CBLN2: variants seen among roughly 807,000 people sequenced by gnomAD.
CBLN2 encodes the protein cerebellin-2.
In CBLN2, 7 loss-of-function variants were observed where a neutral mutation model predicts 15.0. That is an observed-to-expected ratio of 0.47 (90% CI 0.27 to 0.88). The LOEUF (loss-of-function observed/expected upper bound fraction) is 0.88, where lower values mean the gene tolerates loss of function less well. Among genes scored for constraint, CBLN2 ranks in the 40% least tolerant of loss-of-function variants. The pLI is 0.14. For synonymous variants in CBLN2, 149 were observed against 135.2 expected, an observed-to-expected ratio of 1.10 and a Z score of -0.71; for missense variants, 242 against 304.5, an observed-to-expected ratio of 0.79 and a Z score of 1.53.
intron 1 of CBLN2, chr18:72,618,438 G>A: frequency 1.6e-6 from 1 of 643,390 alleles, no homozygotes; most frequent in South Asian, 1.4e-5. Context: ...CAGGAGCTTT[G>A]GGTTTGTCAC....
At chr18:72,584,118 A>G (rs2069425031) in intron 1 of CBLN2, among the ~76,000 whole-genome samples, 1 of 152,148 alleles carries the variant, frequency 6.6e-6, no homozygotes, top group African/African-American at 2.4e-5. Flanking sequence ...AGAAGGGCAC[A>G]CGCATTGCCT....
intron 1 of CBLN2, among the ~76,000 whole-genome samples, chr18:72,564,856 T>G (rs1232214158): frequency 6.6e-6 from 1 of 152,156 alleles, no homozygotes; most frequent in Admixed American, 6.5e-5. Context: ...CACATTATAA[T>G]CAAGCTGTCA....
chr18:72,545,131 T>C (rs866303667), upstream of CBLN2, among the ~76,000 whole-genome samples: 10 of 152,102 alleles, frequency 6.6e-5, no homozygotes, highest in Admixed American at 5.9e-4. Context: ...TCTTTTCAGG[T>C]AGGGGGTTTT....
intron 1 of CBLN2, among the ~76,000 whole-genome samples, chr18:72,581,173 C>A (rs2069401097): frequency 6.6e-6 from 1 of 152,208 alleles, no homozygotes; most frequent in African/African-American, 2.4e-5. Context: ...AGCCCAATCT[C>A]TTTTCCCTTC....
At chr18:72,541,295 T>G (rs1357868602) in intron 3 of CBLN2, among the ~76,000 whole-genome samples, 1 of 152,182 alleles carries the variant, frequency 6.6e-6, no homozygotes, top group African/African-American at 2.4e-5. Context: ...CTTTTTTTTT[T>G]TTTAAGATAA....
chr18:72,605,352 C>T (rs1317686619), intron 1 of CBLN2, among the ~76,000 whole-genome samples: 1 of 152,072 alleles, frequency 6.6e-6, no homozygotes, highest in Admixed American at 6.5e-5. Context: ...AAACAAAATT[C>T]AGAAGTTAAT....
chr18:72,538,019 A>C lies in CBLN2; in HGVS notation c.*157T>G. 4.1e-6 allele frequency: 3 copies of C among 730,586 alleles called. No individual in the cohort carries two copies. The allele number at this position is 730,586 out of a possible 1,614,324, so 45.3% of individuals were successfully genotyped here. ...TGTCAGTATTCCAAAAAACAAAAAC[A>C]AAAGTACTGGAGGTTTCAAAGGAAA... On this transcript the variant is annotated 3_prime_UTR_variant, in exon 5 of 5. Coordinates refer to ENST00000269503, the MANE Select transcript of CBLN2 (RefSeq NM_182511.4).
chr18:72,600,509 T>C (rs1599017700), intron 1 of CBLN2, among the ~76,000 whole-genome samples: 1 of 152,268 alleles, frequency 6.6e-6, no homozygotes, highest in South Asian at 2.1e-4. Flanking sequence ...AAATAAAATA[T>C]TTCCTTTTGC....
chr18:72,545,629 T>G (rs1281170737), upstream of CBLN2, among the ~76,000 whole-genome samples: 2 of 152,224 alleles, frequency 1.3e-5, no homozygotes, highest in African/African-American at 4.8e-5. Context: ...AGTGTCTTAC[T>G]GTCAAAATAA....
chr18:72,600,524 A>G (rs1340255526), intron 1 of CBLN2, among the ~76,000 whole-genome samples: 2 of 152,198 alleles, frequency 1.3e-5, no homozygotes, highest in East Asian at 3.9e-4. Flanking sequence ...TTTTGCAGAC[A>G]GAGTCCTTGG....
chr18:72,626,100 T>A (rs1481167920), intron 1 of CBLN2, among the ~76,000 whole-genome samples: 1 of 152,006 alleles, frequency 6.6e-6, no homozygotes, highest in Non-Finnish European at 1.5e-5. Context: ...TGGGATTCAT[T>A]CATGGCAGCA....
At chr18:72,588,926 C>G (rs888384159) in intron 1 of CBLN2, among the ~76,000 whole-genome samples, 1 of 152,142 alleles carries the variant, frequency 6.6e-6, no homozygotes, top group African/African-American at 2.4e-5. Flanking sequence ...ATGGGACTAA[C>G]GCGTGGGCAG....
At position 72,542,213 on chromosome 18, in the gene CBLN2, G is replaced by T. The variant is rs953177564; in HGVS notation, c.-53C>A. The T allele has an allele frequency of 2.7e-4, 306 of 1,123,944 alleles. 2 individuals carry two copies. Among genetic ancestry groups the T allele is most frequent in the Middle Eastern group, 1.1e-3 (3 of 2,800 alleles). The allele number at this position is 1,123,944 out of a possible 1,614,324, so 69.6% of individuals were successfully genotyped here. A position where few individuals can be genotyped will look rare whatever the true frequency, so the allele number is the denominator to read the frequency against. ...GGTGGAGGCCGGCGCCGGCGCGAGC[G>T]GCGCGGAAGGGCGCGAAGGAACGCG... On this transcript the variant is annotated 5_prime_UTR_variant, in exon 3 of 5. Transcript: ENST00000269503.
chr18:72,599,391 C>T (rs2069533431), intron 1 of CBLN2, among the ~76,000 whole-genome samples: 1 of 152,004 alleles, frequency 6.6e-6, no homozygotes, highest in Non-Finnish European at 1.5e-5. Context: ...CATATTTGTC[C>T]ATGATTTTAC....
chr18:72,605,202 C>CTTTAT lies in CBLN2; in HGVS notation c.15+33118_15+33122dup, dbSNP rs1008486972. 2.4e-4 allele frequency among the ~76,000 whole-genome samples: 36 copies of CTTTAT among 152,254 alleles called. 1 individual carries two copies. The highest frequency in any genetic ancestry group is 8.7e-4 in the African/African-American group (36 of 41,564). On this transcript the variant is annotated intron_variant, in intron 1 of 2. Coordinates refer to the CBLN2 transcript ENST00000581073. ...ATGGCCAACTTCCTCATATGCACATCTTTATTTTATTTTATTTTATTGCTC... is the reference window on the plus strand; with the variant it reads ...ATGGCCAACTTCCTCATATGCACATCTTTATTTTATTTTATTTTATTTTATTGCTC...
At position 72,554,369 on chromosome 18, in the gene CBLN2, T is replaced by C. The variant is rs182657505; in HGVS notation, c.16-15597A>G. ...ATTTCTGCAAAACAAAAAAAGCATATGAAAAAGGGGTTTTTTGATGATTAT... is the reference window on the plus strand; with the variant it reads ...ATTTCTGCAAAACAAAAAAAGCATACGAAAAAGGGGTTTTTTGATGATTAT... On this transcript the variant is annotated intron_variant, in intron 1 of 2. Coordinates refer to the CBLN2 transcript ENST00000581073. Among the ~76,000 whole-genome samples the C allele has an allele frequency of 4.9e-4, 75 of 152,166 alleles. No individual in the cohort carries two copies. The Middle Eastern group carries it at 0.01, about 21-fold the overall frequency.
At chr18:72,635,726 C>T (rs984778009) in intron 1 of CBLN2, among the ~76,000 whole-genome samples, 5 of 152,000 alleles carry the variant, frequency 3.3e-5, no homozygotes, top group Non-Finnish European at 7.4e-5. Flanking sequence ...CTTTAAAAGT[C>T]CAACTAGGTT....
chr18:72,607,022 C>T (rs1279263964), intron 1 of CBLN2, among the ~76,000 whole-genome samples: 1 of 152,156 alleles, frequency 6.6e-6, no homozygotes, highest in African/African-American at 2.4e-5. Context: ...CTACAGAGGT[C>T]ATAGGTTAAA....
At chr18:72,585,164 C>T (rs1260611892) in intron 1 of CBLN2, among the ~76,000 whole-genome samples, 1 of 152,230 alleles carries the variant, frequency 6.6e-6, no homozygotes, top group Non-Finnish European at 1.5e-5. Context: ...TAGATTTGGG[C>T]TCCCCAAAGG....
Sources: allele counts gnomAD v4.1 joint callset (sites outside exome capture counted in the v4.1 genomes callset), GRCh38; gene constraint gnomAD v4.1.1; transcripts MANE v1.5; gene names NCBI Gene and HGNC (gene_info 2026-07-23, HGNC 2026-07-21).